ZBTB34: variants seen among roughly 807,000 people sequenced by gnomAD.
ZBTB34 encodes the protein zinc finger and BTB domain containing 34.
ZBTB34 carries 1 observed loss-of-function variant against 33.4 expected under a neutral mutation model. That is an observed-to-expected ratio of 0.03 (90% confidence interval 0.01 to 0.14). The LOEUF is 0.14. ZBTB34 is among the 10% of genes least tolerant of loss of function. The pLI is 1.00. For missense variants in ZBTB34, 406 were observed against 657.2 expected (o/e 0.62, Z 4.18); for synonymous variants, 283 against 253.5 (o/e 1.12, Z -1.11).
At chr9:126,869,610 T>G (rs2033252567) in intron 1 of ZBTB34, among the ~76,000 whole-genome samples, 1 of 151,986 alleles carries the variant, frequency 6.6e-6, no homozygotes, top group African/African-American at 2.4e-5. Flanking sequence ...TGCCTGGAAG[T>G]AGGAGAATGT....
exon 2 of ZBTB34, chr9:126,882,799 G>T (rs1212418552): frequency 6.0e-6 from 1 of 166,974 alleles, no homozygotes; most frequent in Non-Finnish European, 1.5e-5. Context: ...TTTTGTTTTT[G>T]TTTTTTGTTT....
chr9:126,868,013 G>A (rs936238094), intron 1 of ZBTB34, among the ~76,000 whole-genome samples: 1 of 152,116 alleles, frequency 6.6e-6, no homozygotes, highest in Non-Finnish European at 1.5e-5. Context: ...ACTCAGTGAG[G>A]GTGGGGAGCT....
intron 1 of ZBTB34, among the ~76,000 whole-genome samples, chr9:126,872,516 T>C (rs932244467): frequency 1.3e-5 from 2 of 152,132 alleles, no homozygotes; most frequent in African/African-American, 2.4e-5. Flanking sequence ...GAGTAGCCCA[T>C]GTTGTAAAGC....
chr9:126,864,832 A>T (rs2033180151), intron 1 of ZBTB34, among the ~76,000 whole-genome samples: 1 of 152,178 alleles, frequency 6.6e-6, no homozygotes, highest in Non-Finnish European at 1.5e-5. Context: ...TACTTCTGTT[A>T]CCATGCCTTT....
chr9:126,861,035 C>T (rs1588381580), intron 1 of ZBTB34, among the ~76,000 whole-genome samples: 1 of 151,940 alleles, frequency 6.6e-6, no homozygotes, highest in Non-Finnish European at 1.5e-5. Flanking sequence ...GGGTCGCGCT[C>T]GGGCAGCTGC....
Position 126,879,780 on chromosome 9 carries a change from G to A in ZBTB34, c.381G>A (p.Glu127=), listed in dbSNP as rs1381461044. 2.5e-6 allele frequency: 4 copies of A among 1,613,430 alleles called. No homozygotes were observed. In the South Asian group the frequency reaches 3.3e-5, roughly 13 times the overall value. The change falls in exon 2 of 2, where the codon GAG becomes GAA. Residue 127 remains glutamate, a synonymous_variant. Transcript: ENST00000319119. This position sits in a 1 kb window ranked among gnomAD's most constrained non-coding sequence, Gnocchi z 6.4. ...TTGACAAGTGCACGCAGATCCTAGA[G>A]AGCATCCATTCCAAAATCAGCGTTG...
At chr9:126,860,701 C>A (rs903588690) in exon 1 of ZBTB34, 2 of 145,240 alleles carry the variant, frequency 1.4e-5, no homozygotes, top group Non-Finnish European at 3.1e-5. Context: ...GCGGAGGGGG[C>A]GCCGCGGGCG....
chr9:126,869,321 C>T (rs541043704), intron 1 of ZBTB34, among the ~76,000 whole-genome samples: 59 of 151,766 alleles, frequency 3.9e-4, no homozygotes, highest in South Asian at 8.3e-4. Context: ...CAGAAGGGTC[C>T]TGGGAAAGTC....
At chr9:126,885,140 A>G (rs1208593972) in exon 2 of ZBTB34, 2 of 167,068 alleles carry the variant, frequency 1.2e-5, no homozygotes, top group African/African-American at 4.8e-5. Flanking sequence ...GTCACATGTC[A>G]CATGCGTCTT....
exon 2 of ZBTB34, chr9:126,883,269 T>C (rs1489790733): frequency 1.2e-5 from 2 of 166,894 alleles, no homozygotes; most frequent in Non-Finnish European, 2.9e-5. Flanking sequence ...AATGCCCAAA[T>C]CCAAGGACAT....
At chr9:126,877,224 A>G (rs2033374567) in intron 1 of ZBTB34, among the ~76,000 whole-genome samples, 1 of 152,186 alleles carries the variant, frequency 6.6e-6, no homozygotes, top group South Asian at 2.1e-4. Context: ...AACCTCAAAC[A>G]GAAAAGGTGA....
At chr9:126,864,658 T>A (rs1006131345) in intron 1 of ZBTB34, among the ~76,000 whole-genome samples, 2 of 152,188 alleles carry the variant, frequency 1.3e-5, no homozygotes, top group Non-Finnish European at 2.9e-5. Context: ...TTTATTTTTT[T>A]TTTCTTGCAT....
intron 1 of ZBTB34, among the ~76,000 whole-genome samples, chr9:126,870,866 G>T (rs887719464): frequency 6.6e-6 from 1 of 152,016 alleles, no homozygotes; most frequent in Admixed American, 6.6e-5. Flanking sequence ...GGCGGAGGTT[G>T]CCTTGAGTGG....
intron 1 of ZBTB34, among the ~76,000 whole-genome samples, chr9:126,866,032 GC>G (rs1345248129): frequency 6.6e-6 from 1 of 152,060 alleles, no homozygotes; most frequent in African/African-American, 2.4e-5. Context: ...TGAGGAGAGG[GC>G]TAGGTGAGGA....
rs1346905514 is a variant in ZBTB34, at chr9:126,879,377, T to A, written c.-10-13T>A. The A allele has an allele frequency of 1.3e-6, 2 of 1,578,336 alleles. No individual in the cohort carries two copies. Among genetic ancestry groups the A allele is most frequent in the Non-Finnish European group, 1.7e-6 (2 of 1,160,622 alleles). ...AGTCATTGGTGAATGATGCAAACTC[T>A]CTCTCTCCGCAGAGTACGCTTCATG... On this transcript the variant is annotated splice_polypyrimidine_tract_variant and intron_variant, in intron 1 of 1. Transcript: ENST00000319119. The surrounding 1 kb of genome is among the most constrained non-coding windows in gnomAD (Gnocchi z 6.4).
intron 1 of ZBTB34, among the ~76,000 whole-genome samples, chr9:126,862,998 G>A (rs1393924235): frequency 2.0e-5 from 3 of 151,706 alleles, no homozygotes; most frequent in South Asian, 4.1e-4. Flanking sequence ...ATTCAAGGTG[G>A]ATGTTTTCAG....
Position 126,880,811 on chromosome 9 carries a change from C to T in ZBTB34, c.1412C>T (p.Thr471Ile), listed in dbSNP as rs1012922256. 1 of 1,613,716 alleles carries T rather than the reference C, an allele frequency of 6.2e-7. No individual in the cohort carries two copies. Among genetic ancestry groups the T allele is most frequent in the East Asian group, 2.2e-5 (1 of 44,876 alleles). The change falls in exon 2 of 2, where the codon ACA becomes ATA. Residue 471 changes from threonine to isoleucine, a missense_variant. By Grantham distance (89) the Thr-to-Ile change is moderately conservative. This residue lies in a region of ZBTB34 where 58 missense variants were observed against 58.7 expected (regional missense o/e 0.99). Transcript: ENST00000319119. The surrounding 1 kb of genome is among the most constrained non-coding windows in gnomAD (Gnocchi z 6.7). ...AGTCGCATTGAGTCCCCCGAGAGAA[C>T]AGATGTGTACGTGGAACAGAAACTA...
At chr9:126,881,871 C>G (rs538508396) in exon 2 of ZBTB34, 1 of 166,804 alleles carries the variant, frequency 6.0e-6, no homozygotes, top group African/African-American at 2.4e-5. Flanking sequence ...GAATCACTCT[C>G]TATCATGAGT....
At chr9:126,863,567 A>T (rs765928033) in intron 1 of ZBTB34, 4 of 317,050 alleles carry the variant, frequency 1.3e-5, no homozygotes, top group Non-Finnish European at 1.4e-5. Flanking sequence ...AAACTTCTTA[A>T]TTGTGTCTAT....
Sources: gnomAD v4.1 joint callset for allele counts (sites outside exome capture counted in the v4.1 genomes callset) on GRCh38, gnomAD v4.1.1 for gene constraint, gnomAD v4.1.1 regional missense constraint, Gnocchi (gnomAD v3.1) non-coding constraint, MANE v1.5 for transcripts, NCBI Gene and HGNC (gene_info 2026-07-23, HGNC 2026-07-21) for gene names.